PIK3R1: variants seen among roughly 807,000 people sequenced by gnomAD.
PIK3R1 encodes phosphoinositide-3-kinase regulatory subunit 1.
PIK3R1 carries 29 observed loss-of-function variants against 98.0 expected under a neutral mutation model. The ratio of observed to expected loss-of-function variants is 0.30; its 90% confidence interval spans 0.22 to 0.40. PIK3R1 has a LOEUF of 0.40. Among genes scored for constraint, PIK3R1 ranks in the 10% least tolerant of loss-of-function variants. PIK3R1 has a pLI of 1.00. For missense variants in PIK3R1, 596 were observed against 872.7 expected, an observed-to-expected ratio of 0.68 and a Z score of 3.99; for synonymous variants, 282 against 311.8, an observed-to-expected ratio of 0.90 and a Z score of 1.01.
chr5:68,272,028 A>C (rs1388490623), intron 2 of PIK3R1, among the ~76,000 whole-genome samples: 1 of 152,066 alleles, frequency 6.6e-6, no homozygotes, highest in Non-Finnish European at 1.5e-5. Context: ...AGGTGGGTGG[A>C]TTGCTTGAGT....
chr5:68,217,057 C>G (rs1185211556), intron 1 of PIK3R1, among the ~76,000 whole-genome samples: 2 of 152,134 alleles, frequency 1.3e-5, no homozygotes, highest in Non-Finnish European at 2.9e-5. Flanking sequence ...TGAGTCTGCT[C>G]TTTATTTGGG....
chr5:68,244,283 AT>A (rs989717892), intron 2 of PIK3R1, among the ~76,000 whole-genome samples: 8 of 152,018 alleles, frequency 5.3e-5, no homozygotes, highest in African/African-American at 1.5e-4. Flanking sequence ...AATTCCTTTT[AT>A]TTTTTTCCCC....
intron 2 of PIK3R1, among the ~76,000 whole-genome samples, chr5:68,249,723 T>A (rs1193360937): frequency 2.0e-5 from 3 of 152,184 alleles, no homozygotes; most frequent in Admixed American, 6.5e-5. Context: ...TAGTCACCAA[T>A]TACCAGGTAT....
intron 2 of PIK3R1, among the ~76,000 whole-genome samples, chr5:68,267,563 AATGTAGTTATGGCTGAAGAT>A (rs1746170577): frequency 1.3e-5 from 2 of 152,190 alleles, no homozygotes; most frequent in African/African-American, 4.8e-5. Flanking sequence ...CTCTGAAAAT[AATGTAGTTATGGCTGAAGAT>A]TTATTTCCAC....
chr5:68,279,345 G>A (rs988140872), intron 4 of PIK3R1, among the ~76,000 whole-genome samples: 1 of 152,140 alleles, frequency 6.6e-6, no homozygotes, highest in Non-Finnish European at 1.5e-5. Flanking sequence ...GGCATCATGG[G>A]CAGGGGGTCA....
intron 7 of PIK3R1, among the ~76,000 whole-genome samples, chr5:68,282,869 T>G (rs1043538799): frequency 6.6e-6 from 1 of 152,240 alleles, no homozygotes; most frequent in Non-Finnish European, 1.5e-5. Context: ...AAACTCTAGT[T>G]TGAGCCGTTT....
chr5:68,223,123 AATCATCATCATCATC>A lies in PIK3R1; in HGVS notation c.-386-3135_-386-3121del, dbSNP rs60144880. Among the ~76,000 whole-genome samples, 370 of 148,032 alleles carry A rather than the reference AATCATCATCATCATC, an allele frequency of 2.5e-3. 2 individuals are homozygous for A. The highest frequency in any genetic ancestry group is 8.5e-3 in the African/African-American group (335 of 39,462). ...TTGGGAGCTATATGTGTACAAACTC[AATCATCATCATCATC>A]ATCATCATCATCATCATCATCATCA... On this transcript the variant is annotated intron_variant, in intron 1 of 15. Coordinates refer to ENST00000521381, the MANE Select transcript of PIK3R1 (RefSeq NM_181523.3).
chr5:68,274,067 G>C (rs1412438580), intron 4 of PIK3R1, 54 bp downstream of exon 4: 10 of 1,356,406 alleles, frequency 7.4e-6, no homozygotes, highest in Non-Finnish European at 1.1e-5. Context: ...TTGGCTTTCT[G>C]TTTCAGGTAA....
chr5:68,291,999 T>G (rs1167268817), intron 7 of PIK3R1: 1 of 297,894 alleles, frequency 3.4e-6, no homozygotes, highest in African/African-American at 2.2e-5. Flanking sequence ...TTGAAATTTA[T>G]TCACATGGCC....
At chr5:68,235,271 T>G (rs555585984) in intron 2 of PIK3R1, among the ~76,000 whole-genome samples, 1 of 151,864 alleles carries the variant, frequency 6.6e-6, no homozygotes. Flanking sequence ...GGTGTGATGG[T>G]GCATGCCTGT....
intron 2 of PIK3R1, among the ~76,000 whole-genome samples, chr5:68,256,649 C>T (rs1314163939): frequency 6.6e-6 from 1 of 151,974 alleles, no homozygotes; most frequent in African/African-American, 2.4e-5. Context: ...CATGGGTATC[C>T]AGAATGACCA....
At chr5:68,253,152 G>T (rs115747333) in intron 2 of PIK3R1, among the ~76,000 whole-genome samples, 377 of 152,166 alleles carry the variant, frequency 2.5e-3, no homozygotes, top group African/African-American at 8.6e-3. Flanking sequence ...TGTTACCTTA[G>T]CTAAAGAATT....
rs188306895 is a variant in PIK3R1 at position 68,294,035 on chromosome 5, A to T, written c.1425+201A>T. On this transcript the variant is annotated intron_variant, in intron 11 of 15. Transcript: ENST00000521381. ...ATTTTAAGTATCAGAATAATAAATT[A>T]AGTTCACGTGATAACTGAAGCAGTC... 9.2e-5 allele frequency among the ~76,000 whole-genome samples: 14 copies of T among 152,352 alleles called. No homozygotes were observed. The East Asian group carries it at 2.7e-3, about 29-fold the overall frequency.
In PIK3R1 at chr5:68,298,938, T is replaced by C. The variant is rs896234424; in HGVS notation, c.*1337T>C. 5 of 233,422 alleles carry C rather than the reference T, an allele frequency of 2.1e-5. No individual in the cohort carries two copies. The highest frequency in any genetic ancestry group is 4.2e-5 in the Non-Finnish European group (5 of 117,948). 14.5% of individuals were successfully genotyped at this position (233,422 alleles called of 1,614,324 possible). ...GGGGGAGGCAAGGTTATATGCACTT[T>C]CTCATGATTTACAGAGAAGTGAATA... On this transcript the variant is annotated 3_prime_UTR_variant, in exon 16 of 16. Transcript: ENST00000521381.
At chr5:68,290,256 C>T (rs1215595089) in intron 7 of PIK3R1, among the ~76,000 whole-genome samples, 1 of 152,172 alleles carries the variant, frequency 6.6e-6, no homozygotes, top group Non-Finnish European at 1.5e-5. Context: ...CTTAAGTATA[C>T]CCTTTTAATG....
At chr5:68,270,037 T>C (rs1309401004) in intron 2 of PIK3R1, among the ~76,000 whole-genome samples, 1 of 152,172 alleles carries the variant, frequency 6.6e-6, no homozygotes, top group African/African-American at 2.4e-5. Flanking sequence ...AAAGAGTACT[T>C]ACACTTCCTA....
At position 68,280,640 on chromosome 5, in the gene PIK3R1, G is replaced by C. The variant is rs147303522; in HGVS notation, c.747G>C (p.Lys249Asn). 7 of 1,613,784 alleles carry C rather than the reference G, an allele frequency of 4.3e-6. No homozygotes were observed. The African/African-American group carries it at 9.4e-5, about 22-fold the overall frequency. ...TLQYLLKHFF[K>N]LSQTSSKNLL... ...AGTATTTGTTAAAACATTTCTTCAAGCTCTCTCAAACCTCCAGCAAAAATC... is the reference window on the plus strand; with the variant it reads ...AGTATTTGTTAAAACATTTCTTCAACCTCTCTCAAACCTCCAGCAAAAATC... Residue 249 changes from lysine to asparagine, a missense_variant, in exon 6 of 16, where the codon AAG (lysine) becomes AAC (asparagine). Physicochemically the swap from Lys to Asn is moderately conservative, Grantham distance 94. Transcript: ENST00000521381.
At chr5:68,227,336 C>G (rs1744318444) in intron 2 of PIK3R1, among the ~76,000 whole-genome samples, 1 of 152,010 alleles carries the variant, frequency 6.6e-6, no homozygotes. Flanking sequence ...CGGAGTATTC[C>G]TAGTCTGAAA....
chr5:68,220,178 T>C (rs535624336), intron 1 of PIK3R1, among the ~76,000 whole-genome samples: 53 of 152,258 alleles, frequency 3.5e-4, no homozygotes, highest in African/African-American at 1.1e-3. Context: ...CACAGAGAGG[T>C]TTAAGTAACT....
Sources: gnomAD v4.1 joint callset for allele counts (sites outside exome capture counted in the v4.1 genomes callset) on GRCh38, gnomAD v4.1.1 for gene constraint, MANE v1.5 for transcripts, NCBI Gene and HGNC (gene_info 2026-07-23, HGNC 2026-07-21) for gene names.